Variants in NLRP7 observed in about 807,000 individuals in gnomAD.
NLRP7 encodes NACHT, LRR and PYD domains-containing protein 7.
NLRP7 carries 72 observed loss-of-function variants against 85.5 expected under a neutral mutation model. The ratio of observed to expected loss-of-function variants is 0.84; its 90% confidence interval spans 0.70 to 1.02. The LOEUF (loss-of-function observed/expected upper bound fraction) is 1.02. Among genes scored for constraint, NLRP7 ranks in the 50% least tolerant of loss-of-function variants. NLRP7 has a pLI of 0.00. For missense variants in NLRP7, 1,243 were observed against 1,219.5 expected, an observed-to-expected ratio of 1.02 and a Z score of -0.29; for synonymous variants, 550 against 505.2, an observed-to-expected ratio of 1.09 and a Z score of -1.19.
At chr19:54,943,104 G>A (rs1487859311) in intron 1 of NLRP7, among the ~76,000 whole-genome samples, 2 of 151,438 alleles carry the variant, frequency 1.3e-5, no homozygotes, top group East Asian at 1.9e-4. Context: ...CTGAGATAGC[G>A]CCATTGTACT....
intron 1 of NLRP7, among the ~76,000 whole-genome samples, chr19:54,944,080 T>C (rs750547793): frequency 6.6e-6 from 1 of 151,998 alleles, no homozygotes. Context: ...TTTCTCCCCA[T>C]GTGATAGCCT....
exon 4 of NLRP7, chr19:54,940,415 T>C: frequency 6.2e-7 from 1 of 1,614,118 alleles, no homozygotes; most frequent in Non-Finnish European, 8.5e-7. Context: ...AAAGGTGTTC[T>C]TCCAGACCAA....
At chr19:54,929,041 G>C (rs1411931202) in intron 9 of NLRP7, among the ~76,000 whole-genome samples, 1 of 152,140 alleles carries the variant, frequency 6.6e-6, no homozygotes, top group African/African-American at 2.4e-5. Flanking sequence ...GGTCTGGCTT[G>C]AGGCTTGAAA....
At chr19:54,941,773 A>C (rs765750051) in intron 1 of NLRP7, 23 bp from the exon 2 acceptor site, 16 of 1,537,124 alleles carry the variant, frequency 1.0e-5, no homozygotes, top group Non-Finnish European at 1.2e-5. Context: ...AAGGAAAAAC[A>C]GTTCACGAGT....
chr19:54,938,216 A>G lies in NLRP7; in HGVS notation c.1957T>C (p.Trp653Arg). Reference sequence around the variant, plus strand: ...AGAGAGCGAAGATCCTGCCGAGCCCAGTTCGGAATGGTTAGGTAAGTGCAC... The same window carrying G: ...AGAGAGCGAAGATCCTGCCGAGCCCGGTTCGGAATGGTTAGGTAAGTGCAC... Residue 653 changes from tryptophan (W) to arginine (R), a missense_variant, in exon 5 of 10, where the codon TGG (tryptophan) becomes CGG (arginine). By Grantham distance (101) the Trp-to-Arg change is moderately radical. This residue lies in a region of NLRP7 where 613 missense variants were observed against 588.4 expected (regional missense o/e 1.04). Coordinates refer to ENST00000340844, the Ensembl canonical transcript of NLRP7. The G allele has an allele frequency of 1.2e-6, 2 of 1,614,142 alleles. No homozygotes were observed. The highest frequency in any genetic ancestry group is 2.2e-5 in the South Asian group (2 of 91,084).
At chr19:54,957,232 G>C (rs1202497091) in intron 1 of NLRP7, among the ~76,000 whole-genome samples, 1 of 151,590 alleles carries the variant, frequency 6.6e-6, no homozygotes. Flanking sequence ...TGTTGTCCAG[G>C]CTAGTCTCAA....
rs2070031748 is a variant in NLRP7 at position 54,961,239 on chromosome 19, A to C, written c.-77+4801T>G. ...AAAAGAGGGGGAGTGGGCCAGGCAC[A>C]GTGTCTCACGCCTGTAATTCCAGCA... is the stretch of plus-strand genomic sequence containing the variant. On this transcript the variant is annotated intron_variant, in intron 1 of 2. Transcript: ENST00000587103. Among the ~76,000 whole-genome samples, 3 of 151,884 alleles carry C rather than the reference A, an allele frequency of 2.0e-5. No individual in the cohort carries two copies. The South Asian group carries it at 6.3e-4, about 32-fold the overall frequency.
At chr19:54,926,205 GGTGTGTGTGT>G (rs138774910) in intron 9 of NLRP7, among the ~76,000 whole-genome samples, 1,671 of 143,738 alleles carry the variant, frequency 0.012, 27 homozygotes, top group African/African-American at 0.039. Context: ...AATGATTAGG[GGTGTGTGTGT>G]GTGTGTGTGT....
At chr19:54,948,365 C>T (rs889413909), upstream of NLRP7, among the ~76,000 whole-genome samples, 41 of 151,934 alleles carry the variant, frequency 2.7e-4, no homozygotes, top group Non-Finnish European at 8.8e-5. Flanking sequence ...GCCTGGGTGA[C>T]AAGAGCAAGA....
Position 54,939,254 on chromosome 19 carries a change from A to C in NLRP7, c.1565T>G (p.Leu522Ter). 8.7e-6 allele frequency: 14 copies of C among 1,614,020 alleles called. No homozygotes were observed. The highest frequency in any genetic ancestry group is 1.2e-5 in the Non-Finnish European group (14 of 1,179,956). Residue 522 changes from leucine to a stop codon, truncating the protein, a stop_gained, in exon 4 of 10, where the codon TTA (leucine) becomes TGA (stop). Transcript: ENST00000340844. LOFTEE classifies it high-confidence loss of function. ...TCTCTTCTCGTTAGCGAGGCCGAAT[A>C]AGAAGTGTCCTACTTGAATCAGGTC...
chr19:54,952,243 C>A (rs1365240017), upstream of NLRP7, among the ~76,000 whole-genome samples: 2 of 151,980 alleles, frequency 1.3e-5, no homozygotes, highest in African/African-American at 4.8e-5. Context: ...CTTCATGCCC[C>A]TGTCTCCGCC....
chr19:54,939,440 G>A (rs2069104609), exon 4 of NLRP7: 2 of 1,613,892 alleles, frequency 1.2e-6, no homozygotes, highest in East Asian at 2.2e-5. Context: ...GCAGCCTTTG[G>A]AGACTCTGTC....
At chr19:54,933,854 G>C in intron 7 of NLRP7, 115 bp from the exon 8 acceptor site, 2 of 912,038 alleles carry the variant, frequency 2.2e-6, no homozygotes, top group Non-Finnish European at 3.6e-6. Context: ...TTCATCCCCT[G>C]CCCTCTGTCC....
chr19:54,957,166 G>A (rs192928123), intron 1 of NLRP7, among the ~76,000 whole-genome samples: 102 of 147,732 alleles, frequency 6.9e-4, no homozygotes, highest in Non-Finnish European at 1.2e-3. Context: ...GGATTACAGG[G>A]CACACCACCA....
chr19:54,945,419 C>T (rs1034548586), intron 1 of NLRP7, among the ~76,000 whole-genome samples: 1 of 150,626 alleles, frequency 6.6e-6, no homozygotes, highest in East Asian at 2.0e-4. Context: ...TACAGGTATG[C>T]CCCACCACAC....
intron 1 of NLRP7, chr19:54,953,274 C>CGAGAT (rs1275366386): frequency 6.6e-6 from 1 of 152,070 alleles, no homozygotes; most frequent in East Asian, 1.9e-4. Flanking sequence ...TCTCAAGAGC[C>CGAGAT]GAGATCCCCA....
At chr19:54,956,715 G>A (rs1295183530) in intron 1 of NLRP7, among the ~76,000 whole-genome samples, 7 of 151,074 alleles carry the variant, frequency 4.6e-5, no homozygotes, top group East Asian at 4.0e-4. Context: ...AAGGCCGGGC[G>A]CAGTGGCTCA....
chr19:54,955,502 T>C (rs1363820514), intron 1 of NLRP7, among the ~76,000 whole-genome samples: 1 of 152,090 alleles, frequency 6.6e-6, no homozygotes, highest in Admixed American at 6.6e-5. Context: ...AACCTCTTCT[T>C]GATCAAATAT....
chr19:54,962,472 T>C (rs1203269568), intron 1 of NLRP7, among the ~76,000 whole-genome samples: 2 of 151,572 alleles, frequency 1.3e-5, no homozygotes, highest in Non-Finnish European at 2.9e-5. Context: ...GATTTCACCA[T>C]GTTGGTCAGG....
Sources: gnomAD v4.1 joint callset for allele counts (sites outside exome capture counted in the v4.1 genomes callset) on GRCh38, gnomAD v4.1.1 for gene constraint, gnomAD v4.1.1 regional missense constraint, MANE v1.5 for transcripts, NCBI Gene and HGNC (gene_info 2026-07-23, HGNC 2026-07-21) for gene names.